The following CDH23 variants were observed in gnomAD, a reference collection of about 807,000 sequenced individuals.
CDH23 encodes cadherin-23.
A neutral mutation model predicts 317.1 loss-of-function variants in CDH23; 189 were observed. That is an observed-to-expected ratio of 0.60 (90% CI 0.53 to 0.67). CDH23 has a LOEUF of 0.67. CDH23 is among the 30% of genes least tolerant of loss of function. CDH23 has a pLI of 0.00. For missense variants in CDH23, 4,401 were observed against 4,592.4 expected (o/e 0.96, Z 1.20); for synonymous variants, 1,839 against 1,876.8 (o/e 0.98, Z 0.52).
chr10:71,800,629 C>T lies in CDH23; in HGVS notation c.7363-7C>T, dbSNP rs1310088981. On this transcript the variant is annotated splice_region_variant and splice_polypyrimidine_tract_variant and intron_variant, in intron 52 of 69. Transcript: ENST00000224721. ...TGAAGGACCTAAAGCCACCCTCCCC[C>T]TACTAGGGTGACATCTATGTGCTGT... 1 of 1,613,714 alleles carries T rather than the reference C, an allele frequency of 6.2e-7. No individual in the cohort carries two copies. Among genetic ancestry groups the T allele is most frequent in the South Asian group, 1.1e-5 (1 of 91,010 alleles).
chr10:71,716,736 C>T (rs147924190), intron 28 of CDH23: 1 of 181,360 alleles, frequency 5.5e-6, no homozygotes, highest in African/African-American at 2.3e-5. Context: ...TGGTAAGAGG[C>T]CGCAGCTGCC....
In CDH23 at chr10:71,812,536, C is replaced by T. The variant is rs779480321; in HGVS notation, c.9437C>T (p.Ala3146Val). The T allele has an allele frequency of 1.1e-5, 17 of 1,613,356 alleles. No individual in the cohort carries two copies. Among genetic ancestry groups the T allele is most frequent in the South Asian group, 2.2e-5 (2 of 91,090 alleles). The change falls in exon 67 of 70, where the codon GCG becomes GTG. Residue 3146 changes from alanine to valine, a missense_variant. This residue lies in a region of CDH23 where 1,144 missense variants were observed against 1,138.2 expected (regional missense o/e 1.01). Transcript: ENST00000224721. Reference protein sequence around the residue: ...FCRNLELAAQAEHEDDLPENL... With the variant: ...FCRNLELAAQVEHEDDLPENL... ...CGGAACCTGGAGCTGGCCGCCCAGG[C>T]GGAGCATGAGGATGACCTACCGGAG...
At position 71,456,538 on chromosome 10, in the gene CDH23, G is replaced by A. The variant is rs531254692; in HGVS notation, c.145+10143G>A. On this transcript the variant is annotated intron_variant, in intron 3 of 69. Transcript: ENST00000224721. ...CCCTCAACACACAGGTGTGGGTATG[G>A]GGCGGGGCTGGTGTTTTGGATGCGG... 2.6e-5 allele frequency among the ~76,000 whole-genome samples: 4 copies of A among 152,196 alleles called. No individual in the cohort carries two copies. In the South Asian group the frequency reaches 8.3e-4, roughly 32 times the overall value.
chr10:71,618,825 T>A (rs1294486258), intron 11 of CDH23, among the ~76,000 whole-genome samples: 1 of 151,406 alleles, frequency 6.6e-6, no homozygotes, highest in Non-Finnish European at 1.5e-5. Context: ...GTGTGTGTGC[T>A]CAAGTGTGTG....
At chr10:71,403,379 CTT>C (rs1361749159) in intron 1 of CDH23, among the ~76,000 whole-genome samples, 14 of 115,480 alleles carry the variant, frequency 1.2e-4, no homozygotes, top group African/African-American at 3.9e-4. Context: ...TTCTTTCTTT[CTT>C]TCTTTCTTTC....
chr10:71,618,681 G>A (rs1589267750), intron 11 of CDH23, among the ~76,000 whole-genome samples: 1 of 152,158 alleles, frequency 6.6e-6, no homozygotes, highest in Non-Finnish European at 1.5e-5. Flanking sequence ...TGGCTGCTTA[G>A]CCAGTGACCC....
chr10:71,736,618 A>G (rs1839573068), intron 34 of CDH23, among the ~76,000 whole-genome samples: 1 of 152,094 alleles, frequency 6.6e-6, no homozygotes, highest in South Asian at 2.1e-4. Flanking sequence ...TTCCTCACCC[A>G]CTGAGGCCAA....
intron 34 of CDH23, among the ~76,000 whole-genome samples, chr10:71,736,752 C>G (rs1286847845): frequency 2.0e-5 from 3 of 152,224 alleles, no homozygotes; most frequent in African/African-American, 7.2e-5. Context: ...GTTCAGGTTA[C>G]AGCAAGAAAC....
Position 71,617,212 on chromosome 10 carries a change from A to T in CDH23, c.953A>T (p.Glu318Val), listed in dbSNP as rs1861234051. Reference protein sequence around the residue: ...HGFILTVKGTELNDDRTPSDA... With the variant: ...HGFILTVKGTVLNDDRTPSDA... ...ACTGATCTCTGTCCATAGGGCACGG[A>T]GCTGAACGATGACCGCACCCCATCT... The change falls in exon 11 of 70, where the codon GAG becomes GTG. Residue 318 changes from glutamate (E) to valine (V), a missense_variant. Glu to Val is a moderately radical substitution (Grantham distance 121, BLOSUM62 -2). Around this residue, in one of 3 missense-constraint regions of CDH23, gnomAD observed 3,068 missense variants for 3,203.3 expected, o/e 0.96. Coordinates refer to ENST00000224721, the MANE Select transcript of CDH23 (RefSeq NM_022124.6). 6.2e-7 allele frequency: 1 copy of T among 1,613,428 alleles called. No homozygotes were observed. Among genetic ancestry groups the T allele is most frequent in the Non-Finnish European group, 8.5e-7 (1 of 1,179,570 alleles).
At position 71,680,548 on chromosome 10, in the gene CDH23, G is replaced by A. The variant is rs140220074; in HGVS notation, c.1858+1056G>A. ...GGATCAATTGAGGTCAGGAGTTTGA[G>A]ACCAGCCTGGCCAACATGGTGAAAC... On this transcript the variant is annotated intron_variant, in intron 17 of 69. Coordinates refer to ENST00000224721, the MANE Select transcript of CDH23 (RefSeq NM_022124.6). Among the ~76,000 whole-genome samples, 1,279 of 152,164 alleles carry A rather than the reference G, an allele frequency of 8.4e-3. 11 individuals are homozygous for A. The highest frequency in any genetic ancestry group is 0.013 in the Non-Finnish European group (906 of 68,010).
intron 2 of CDH23, among the ~76,000 whole-genome samples, chr10:71,445,326 C>T (rs1850102302): frequency 6.6e-6 from 1 of 152,192 alleles, no homozygotes; most frequent in Non-Finnish European, 1.5e-5. Context: ...CAGCTATTAT[C>T]ATCATCGTTA....
chr10:71,704,048 C>T (rs1236622788), intron 24 of CDH23, among the ~76,000 whole-genome samples: 3 of 152,122 alleles, frequency 2.0e-5, no homozygotes, highest in Non-Finnish European at 4.4e-5. Context: ...TGGAGAAGAG[C>T]GTTCTCCAGG....
intron 37 of CDH23, among the ~76,000 whole-genome samples, chr10:71,741,477 G>T (rs954347829): frequency 7.2e-5 from 11 of 152,350 alleles, no homozygotes; most frequent in African/African-American, 2.2e-4. Flanking sequence ...CACAGAGTTG[G>T]AGAGAGGACC....
intron 6 of CDH23, among the ~76,000 whole-genome samples, chr10:71,514,429 A>C (rs1465743508): frequency 6.6e-6 from 1 of 152,138 alleles, no homozygotes; most frequent in Non-Finnish European, 1.5e-5. Context: ...CAGCCCCTCC[A>C]TGGCTGCCTG....
chr10:71,500,804 C>CTTTTCTTTTCTTTTCTT lies in CDH23; in HGVS notation c.146-9262_146-9261insTTTTTCTTTTCTTTTCT, dbSNP rs1554831250. 9.7e-5 allele frequency among the ~76,000 whole-genome samples: 14 copies of CTTTTCTTTTCTTTTCTT among 144,266 alleles called. No homozygotes were observed. In the East Asian group the frequency reaches 2.6e-3, roughly 26 times the overall value. The allele number at this position is 144,266 out of a possible 152,430, so 94.6% of individuals were successfully genotyped here. A position where few individuals can be genotyped will look rare whatever the true frequency, so the allele number is the denominator to read the frequency against. On this transcript the variant is annotated intron_variant, in intron 3 of 69. Coordinates refer to ENST00000224721, the MANE Select transcript of CDH23 (RefSeq NM_022124.6). ...CTTTTCTTTTCTTTTCTTTTCTTTTCTTTTCTTTTCTTTTCTCTTTCCTTT... is the reference window on the plus strand; with the variant it reads ...CTTTTCTTTTCTTTTCTTTTCTTTTCTTTTCTTTTCTTTTCTTTTTTCTTTTCTTTTCTCTTTCCTTT...
intron 3 of CDH23, among the ~76,000 whole-genome samples, chr10:71,465,585 A>G (rs1851209911): frequency 6.6e-6 from 1 of 152,232 alleles, no homozygotes; most frequent in South Asian, 2.1e-4. Context: ...CCCGTGGCTG[A>G]TAGGCCCACC....
At chr10:71,717,561 C>T (rs1316341468) in intron 28 of CDH23, 1 of 152,272 alleles carries the variant, frequency 6.6e-6, no homozygotes, top group East Asian at 1.9e-4. Context: ...GCTTTTGGCT[C>T]AATATGTCTG....
Position 71,711,381 on chromosome 10 carries a change from G to A in CDH23, c.3221-1284G>A, listed in dbSNP as rs376986228. On this transcript the variant is annotated intron_variant, in intron 27 of 69. Coordinates refer to ENST00000224721, the MANE Select transcript of CDH23 (RefSeq NM_022124.6). ...ACTGCCACGTATGGTCAGCTGGCCTGGGGAAGAAGGATGGCGTCACCCTAG... is the reference window on the plus strand; with the variant it reads ...ACTGCCACGTATGGTCAGCTGGCCTAGGGAAGAAGGATGGCGTCACCCTAG... Among the ~76,000 whole-genome samples, 83 of 152,300 alleles carry A rather than the reference G, an allele frequency of 5.4e-4. No individual in the cohort carries two copies. The South Asian group carries it at 0.016, about 30-fold the overall frequency.
intron 3 of CDH23, among the ~76,000 whole-genome samples, chr10:71,503,098 C>A (rs1194361456): frequency 6.6e-6 from 1 of 152,260 alleles, no homozygotes; most frequent in Non-Finnish European, 1.5e-5. Flanking sequence ...ATTGTCCACC[C>A]CTTGCCTGGA....
Sources: allele counts gnomAD v4.1 joint callset (sites outside exome capture counted in the v4.1 genomes callset), GRCh38; gene constraint gnomAD v4.1.1; regional missense constraint gnomAD v4.1.1; transcripts MANE v1.5; gene names NCBI Gene and HGNC (gene_info 2026-07-23, HGNC 2026-07-21).